The following RBBP8NL variants were observed in gnomAD, a reference collection of about 807,000 sequenced individuals.
RBBP8NL encodes the protein RBBP8 N-terminal like.
Under a neutral mutation model 62.2 loss-of-function variants are expected in RBBP8NL, and 59 were observed. That is an observed-to-expected ratio of 0.95 (90% CI 0.77 to 1.18). The LOEUF (loss-of-function observed/expected upper bound fraction) is 1.18, where lower values mean the gene tolerates loss of function less well. RBBP8NL is among the 50% of genes most tolerant of loss of function. The pLI is 0.00. For synonymous variants in RBBP8NL, 412 were observed against 394.1 expected (o/e 1.05, Z -0.54); for missense variants, 896 against 899.5 (o/e 1.00, Z 0.05).
intron 4 of RBBP8NL, 66 bp from the exon 5 acceptor site, chr20:62,416,938 C>A: frequency 1.7e-6 from 2 of 1,209,318 alleles, no homozygotes; most frequent in South Asian, 1.3e-5. Context: ...CTGGGACACT[C>A]ACTGCCCCAC....
intron 1 of RBBP8NL, among the ~76,000 whole-genome samples, chr20:62,424,406 C>T (rs1399367466): frequency 1.3e-5 from 2 of 152,128 alleles, no homozygotes; most frequent in African/African-American, 4.8e-5. Flanking sequence ...CCAGAGGTGG[C>T]GTCTTGCCCA....
chr20:62,422,557 G>A (rs1601491151), intron 1 of RBBP8NL, among the ~76,000 whole-genome samples: 1 of 144,666 alleles, frequency 6.9e-6, no homozygotes, highest in African/African-American at 2.6e-5. Flanking sequence ...CTGGGGTGGG[G>A]ACGGGGACTG....
Position 62,418,909 on chromosome 20 carries a change from C to T in RBBP8NL, c.62-444G>A, listed in dbSNP as rs1003267078. ...GGCCTGGCTAGCCCCAGCAGCCCCA[C>T]CTCTCTGGGTTGCCTAGGAGGCAGC... On this transcript the variant is annotated intron_variant, in intron 2 of 13. Transcript: ENST00000252998. Among the ~76,000 whole-genome samples, 5 of 152,316 alleles carry T rather than the reference C, an allele frequency of 3.3e-5. No individual in the cohort carries two copies. In the South Asian group the frequency reaches 8.3e-4, roughly 25 times the overall value.
chr20:62,419,674 C>T lies in RBBP8NL; in HGVS notation c.-27G>A, dbSNP rs1988657667. ...GCTCCCTGTGGCCCTGGCCCGGGCC[C>T]CTCTGCGCTGGGGTTGTGGAGACGC... On this transcript the variant is annotated 5_prime_UTR_variant, in exon 2 of 14. Coordinates refer to ENST00000252998, the MANE Select transcript of RBBP8NL (RefSeq NM_080833.3). The T allele has an allele frequency of 1.9e-6, 3 of 1,611,758 alleles. No homozygotes were observed. Among genetic ancestry groups the T allele is most frequent in the African/African-American group, 1.3e-5 (1 of 75,056 alleles).
chr20:62,424,097 G>T (rs1472550385), intron 1 of RBBP8NL, among the ~76,000 whole-genome samples: 1 of 151,916 alleles, frequency 6.6e-6, no homozygotes, highest in African/African-American at 2.4e-5. Context: ...AGGCTCATGG[G>T]GGGCTTCACA....
chr20:62,414,636 C>T, intron 9 of RBBP8NL, 80 bp from the exon 10 acceptor site: 1 of 1,368,932 alleles, frequency 7.3e-7, no homozygotes, highest in Non-Finnish European at 9.5e-7. Context: ...GGAGAGACGA[C>T]AGGCACCCAC....
intron 1 of RBBP8NL, among the ~76,000 whole-genome samples, chr20:62,425,319 C>A (rs1210695673): frequency 3.3e-5 from 5 of 152,186 alleles, no homozygotes; most frequent in African/African-American, 1.2e-4. Context: ...GCCACAAAGG[C>A]CTTGTGCAGG....
rs941621800 is a variant in RBBP8NL at position 62,411,257 on chromosome 20, C to T, written c.1877-261G>A. ...GAACACGGCACTGACCCCAGTGGCCCCCTTCCTGCCTTGGAGGGAGCCAGG... is the reference window on the plus strand; with the variant it reads ...GAACACGGCACTGACCCCAGTGGCCTCCTTCCTGCCTTGGAGGGAGCCAGG... On this transcript the variant is annotated intron_variant, in intron 13 of 13. Transcript: ENST00000252998. 3.9e-5 allele frequency among the ~76,000 whole-genome samples: 6 copies of T among 152,356 alleles called. No homozygotes were observed. The South Asian group carries it at 1.2e-3, about 32-fold the overall frequency.
rs374974562 is a variant in RBBP8NL at position 62,412,708 on chromosome 20, C to T, written c.1792G>A (p.Glu598Lys). ...QAEATTSTTG[E>K]GPECICTQEH... The stretch of plus-strand genomic sequence containing the variant: ...TGGGTGCAGATGCACTCAGGCCCCT[C>T]CCCGGTCGTGCTCGTAGTGGCCTCC... The change falls in exon 13 of 14, where the codon GAG (glutamate) becomes AAG (lysine). Residue 598 changes from glutamate (E) to lysine (K), a missense_variant. Glu to Lys is a moderately conservative substitution (Grantham distance 56). Transcript: ENST00000252998. The T allele has an allele frequency of 9.3e-4, 1,490 of 1,610,526 alleles. 33 individuals are homozygous for T. In the South Asian group the frequency reaches 0.015, roughly 17 times the overall value.
At chr20:62,416,293 G>GGGCGGGGC in intron 5 of RBBP8NL, 57 bp from the exon 6 acceptor site, 1 of 701,048 alleles carries the variant, frequency 1.4e-6, no homozygotes, top group African/African-American at 1.8e-5. Context: ...AGGGGCAGGG[G>GGGCGGGGC]TGGGGTCGTC....
chr20:62,417,992 T>C (rs1240089851), intron 3 of RBBP8NL, among the ~76,000 whole-genome samples: 7 of 145,992 alleles, frequency 4.8e-5, no homozygotes, highest in Non-Finnish European at 9.0e-5. Flanking sequence ...GCCCCCCCTG[T>C]CATCTGCACG....
At chr20:62,413,243 G>A (rs1458351598) in intron 11 of RBBP8NL, among the ~76,000 whole-genome samples, 158 bp downstream of exon 11, 1 of 152,280 alleles carries the variant, frequency 6.6e-6, no homozygotes, top group Non-Finnish European at 1.5e-5. Flanking sequence ...GTCTGCAGGT[G>A]GAAGAGCCAA....
At position 62,417,913 on chromosome 20, in the gene RBBP8NL, G is replaced by C. The variant is rs1386686119; in HGVS notation, c.104+510C>G. Among the ~76,000 whole-genome samples, 3 of 63,934 alleles carry C rather than the reference G, an allele frequency of 4.7e-5. 1 individual carries two copies. Among genetic ancestry groups the C allele is most frequent in the African/African-American group, 2.4e-4 (3 of 12,396 alleles). The allele number at this position is 63,934 out of a possible 152,430, so 41.9% of individuals were successfully genotyped here. A position where few individuals can be genotyped will look rare whatever the true frequency, so the allele number is the denominator to read the frequency against. ...ATCTGCACGCTCCTCTGTGACGTCT[G>C]TCCTGTCCACGCAACGCCCCCCCAG... On this transcript the variant is annotated intron_variant, in intron 3 of 13. Coordinates refer to ENST00000252998, the MANE Select transcript of RBBP8NL (RefSeq NM_080833.3).
chr20:62,416,612 T>A (rs1489526142), intron 5 of RBBP8NL, 148 bp downstream of exon 5: 6 of 627,486 alleles, frequency 9.6e-6, no homozygotes, highest in Non-Finnish European at 1.7e-5. Context: ...TTTGTGTGTT[T>A]GTCTGTAGAT....
intron 13 of RBBP8NL, among the ~76,000 whole-genome samples, chr20:62,412,287 G>C (rs941953281): frequency 2.0e-5 from 3 of 152,226 alleles, no homozygotes; most frequent in Admixed American, 6.5e-5. Flanking sequence ...CTTCCAGGAT[G>C]ATGGTGGGGA....
chr20:62,417,464 G>A, intron 3 of RBBP8NL, 145 bp from the exon 4 acceptor site: 1 of 628,464 alleles, frequency 1.6e-6, no homozygotes. Context: ...CCCCCTCCCA[G>A]TCATCTGCAC....
At chr20:62,413,669 T>C in intron 10 of RBBP8NL, 124 bp from the exon 11 acceptor site, 1 of 1,391,390 alleles carries the variant, frequency 7.2e-7, no homozygotes, top group East Asian at 2.4e-5. Flanking sequence ...GCCTTTCCCT[T>C]TATAGTGTGG....
intron 1 of RBBP8NL, among the ~76,000 whole-genome samples, chr20:62,426,513 A>C (rs1439833045): frequency 3.3e-5 from 5 of 152,236 alleles, no homozygotes; most frequent in African/African-American, 4.8e-5. Flanking sequence ...TTGGACACTG[A>C]GGCTTGAAGC....
intron 1 of RBBP8NL, among the ~76,000 whole-genome samples, chr20:62,423,468 G>A (rs1988748159): frequency 1.3e-5 from 2 of 152,208 alleles, no homozygotes; most frequent in East Asian, 1.9e-4. Context: ...CAGCTGAGGA[G>A]GGCCAGGAGG....
Sources: gnomAD v4.1 joint callset for allele counts (sites outside exome capture counted in the v4.1 genomes callset) on GRCh38, gnomAD v4.1.1 for gene constraint, MANE v1.5 for transcripts, NCBI Gene and HGNC (gene_info 2026-07-23, HGNC 2026-07-21) for gene names.